Variants in ANK2 observed in about 807,000 individuals in gnomAD.
ANK2 encodes ankyrin 2.
Under a neutral mutation model 360.5 loss-of-function variants are expected in ANK2, and 83 were observed. The ratio of observed to expected loss-of-function variants is 0.23; its 90% CI spans 0.19 to 0.28. The LOEUF is 0.28. Ranked by LOEUF, ANK2 falls within the 10% of genes least tolerant of loss-of-function variation. ANK2 has a pLI of 1.00. For missense variants in ANK2, 4,201 were observed against 4,795.7 expected, an observed-to-expected ratio of 0.88 and a Z score of 3.66; for synonymous variants, 1,740 against 1,759.5, an observed-to-expected ratio of 0.99 and a Z score of 0.28.
intron 2 of ANK2, among the ~76,000 whole-genome samples, chr4:113,022,026 T>A (rs1444756322): frequency 6.6e-6 from 1 of 152,200 alleles, no homozygotes; most frequent in Non-Finnish European, 1.5e-5. Flanking sequence ...TTTATATTAA[T>A]ATGTAAACCT....
intron 6 of ANK2, 49 bp from the exon 7 acceptor site, chr4:113,237,550 T>C (rs771047241): frequency 6.4e-7 from 1 of 1,559,536 alleles, no homozygotes; most frequent in South Asian, 1.1e-5. Context: ...TTCCATAATT[T>C]TGCATTGTGT....
Position 113,116,605 on chromosome 4 carries a change from G to C in ANK2, c.85-57811G>C, listed in dbSNP as rs1033602959. On this transcript the variant is annotated intron_variant, in intron 1 of 45. Transcript: ENST00000357077. ...CGATTCTTTACTTTAAATGAACCTTGGAGAAGGAAAGGGCTGTGAGATGAA... is the reference window on the plus strand; with the variant it reads ...CGATTCTTTACTTTAAATGAACCTTCGAGAAGGAAAGGGCTGTGAGATGAA... Among the ~76,000 whole-genome samples the C allele has an allele frequency of 2.6e-5, 4 of 152,304 alleles. No individual in the cohort carries two copies. The East Asian group carries it at 7.7e-4, about 29-fold the overall frequency.
chr4:113,034,525 C>T (rs3736421), intron 2 of ANK2: 1 of 151,786 alleles, frequency 6.6e-6, no homozygotes, highest in Non-Finnish European at 1.5e-5. Context: ...GAAGAGAGTA[C>T]CTTTTTATGC....
chr4:113,255,422 G>A (rs1207129451), intron 10 of ANK2, among the ~76,000 whole-genome samples: 1 of 152,058 alleles, frequency 6.6e-6, no homozygotes, highest in Admixed American at 6.6e-5. Flanking sequence ...TGAAGCATTA[G>A]GTATTATTTA....
chr4:112,861,193 G>T (rs1232947106), intron 1 of ANK2, among the ~76,000 whole-genome samples: 2 of 152,162 alleles, frequency 1.3e-5, no homozygotes, highest in Non-Finnish European at 2.9e-5. Flanking sequence ...CAGATTTAAA[G>T]AAAAGGGCTA....
Position 113,290,525 on chromosome 4 carries a change from C to T in ANK2, c.2278-1891C>T, listed in dbSNP as rs903659671. On this transcript the variant is annotated intron_variant, in intron 20 of 45. Transcript: ENST00000357077. ...CCCTGTTATAGCAACTTGGGACGAA[C>T]CAGACCTGGTTAATCATATATTTAA... 2.6e-5 allele frequency among the ~76,000 whole-genome samples: 4 copies of T among 152,054 alleles called. No individual in the cohort carries two copies. In the East Asian group the frequency reaches 5.8e-4, roughly 22 times the overall value.
Position 113,357,763 on chromosome 4 carries a change from C to T in ANK2, c.9145C>T (p.Arg3049Trp), listed in dbSNP as rs1201870166. 8.7e-6 allele frequency: 14 copies of T among 1,613,852 alleles called. No individual in the cohort carries two copies. The highest frequency in any genetic ancestry group is 3.3e-5 in the Admixed American group (2 of 59,984). The change falls in exon 38 of 46, where the codon CGG becomes TGG. Residue 3049 changes from arginine to tryptophan, a missense_variant. Arg to Trp is a moderately radical substitution (Grantham distance 101, BLOSUM62 -3). This residue lies in a region of ANK2 where 2,642 missense variants were observed against 2,714.5 expected (regional missense o/e 0.97). Transcript: ENST00000357077. Reference protein sequence around the residue: ...DVDSDSWSEIREDDEAFEARV... With the variant: ...DVDSDSWSEIWEDDEAFEARV... ...GGATTCTGATTCTTGGAGTGAAATT[C>T]GGGAAGACGATGAAGCCTTTGAGGC...
At chr4:113,072,765 T>TTTTGTTTTTTTTTTTG (rs142762570) in intron 1 of ANK2, among the ~76,000 whole-genome samples, 1 of 121,196 alleles carries the variant, frequency 8.3e-6, no homozygotes. Context: ...TTTTTTTTTT[T>TTTTGTTTTTTTTTTTG]GCTGTCTTGT....
intron 15 of ANK2, among the ~76,000 whole-genome samples, chr4:113,275,947 T>G (rs1022069630): frequency 4.8e-5 from 7 of 146,926 alleles, no homozygotes; most frequent in Admixed American, 6.7e-5. Flanking sequence ...GTTTTTTTTT[T>G]TTTTTTTTTT....
intron 1 of ANK2, among the ~76,000 whole-genome samples, chr4:112,884,626 A>G (rs904815092): frequency 5.3e-5 from 8 of 152,142 alleles, no homozygotes; most frequent in Non-Finnish European, 8.8e-5. Context: ...CTCTAGCCTC[A>G]TTCTAGCTCT....
intron 13 of ANK2, 87 bp downstream of exon 13, chr4:113,258,498 A>C: frequency 1.5e-6 from 2 of 1,322,334 alleles, no homozygotes; most frequent in South Asian, 2.4e-5. Context: ...GTTTGCGTGT[A>C]TGTCATCGAA....
intron 2 of ANK2, among the ~76,000 whole-genome samples, chr4:112,931,691 G>A (rs1165615542): frequency 1.3e-5 from 2 of 152,004 alleles, no homozygotes; most frequent in African/African-American, 2.4e-5. Context: ...GTTCCATAAA[G>A]GCTCCTGCCC....
intron 13 of ANK2, among the ~76,000 whole-genome samples, chr4:113,259,944 CCCG>C (rs1231797168): frequency 5.9e-5 from 9 of 151,996 alleles, no homozygotes; most frequent in Non-Finnish European, 1.3e-4. Context: ...TGTGTTCTTG[CCCG>C]CCTTTTCCTT....
chr4:112,774,490 C>T, the ANK2 span, among the ~76,000 whole-genome samples: 1 of 152,156 alleles, frequency 6.6e-6, no homozygotes, highest in Admixed American at 6.5e-5. Flanking sequence ...CGCGCCACGG[C>T]ACCTCCAGTC....
intron 9 of ANK2, among the ~76,000 whole-genome samples, chr4:113,245,096 C>T (rs1585919495): frequency 2.6e-5 from 4 of 152,182 alleles, no homozygotes; most frequent in East Asian, 3.9e-4. Flanking sequence ...AACTTTCCCC[C>T]CATAAGTTGA....
upstream of ANK2, among the ~76,000 whole-genome samples, chr4:112,813,414 G>A (rs2055441300): frequency 6.6e-6 from 1 of 152,002 alleles, no homozygotes; most frequent in African/African-American, 2.4e-5. Flanking sequence ...TAAAAATTCA[G>A]TGAAAATAAA....
intron 2 of ANK2, among the ~76,000 whole-genome samples, chr4:112,905,785 C>A (rs1333614790): frequency 6.6e-6 from 1 of 152,136 alleles, no homozygotes; most frequent in African/African-American, 2.4e-5. Context: ...CCTCAGCCTG[C>A]TGAGTAGCTG....
intron 26 of ANK2, among the ~76,000 whole-genome samples, chr4:113,329,712 AT>A (rs1370750283): frequency 6.6e-6 from 1 of 152,216 alleles, no homozygotes; most frequent in Non-Finnish European, 1.5e-5. Flanking sequence ...AGATTTAATT[AT>A]TTTGCATTTC....
At chr4:112,739,063 T>TGGC in the ANK2 span, 1 of 562,302 alleles carries the variant, frequency 1.8e-6, no homozygotes, top group Non-Finnish European at 3.4e-6. Flanking sequence ...GCCATCAGAG[T>TGGC]CACCAACCCC....
Sources: allele counts gnomAD v4.1 joint callset (sites outside exome capture counted in the v4.1 genomes callset), GRCh38; gene constraint gnomAD v4.1.1; regional missense constraint gnomAD v4.1.1; transcripts MANE v1.5; gene names NCBI Gene and HGNC (gene_info 2026-07-23, HGNC 2026-07-21).